NPSR1: variants seen among roughly 807,000 people sequenced by gnomAD.
NPSR1 encodes neuropeptide S receptor.
A neutral mutation model predicts 46.9 loss-of-function variants in NPSR1; 48 were observed. That is an observed-to-expected ratio of 1.02 (90% CI 0.81 to 1.30). The LOEUF (loss-of-function observed/expected upper bound fraction) is 1.30. NPSR1 is among the 50% of genes most tolerant of loss of function. NPSR1 has a pLI of 0.00. For synonymous variants in NPSR1, 176 were observed against 168.1 expected (o/e 1.05, Z -0.36); for missense variants, 450 against 449.5 (o/e 1.00, Z -0.01).
intron 8 of NPSR1, among the ~76,000 whole-genome samples, chr7:34,867,917 G>T (rs568444638): frequency 6.6e-6 from 1 of 151,876 alleles, no homozygotes; most frequent in South Asian, 2.1e-4. Context: ...AATGGAGAAA[G>T]TCCAGCCAGT....
At chr7:34,714,758 G>A (rs973955026) in intron 2 of NPSR1, among the ~76,000 whole-genome samples, 1 of 152,214 alleles carries the variant, frequency 6.6e-6, no homozygotes, top group Admixed American at 6.5e-5. Context: ...GCCAGGGTCA[G>A]GGCTAGGTGG....
intron 2 of NPSR1, among the ~76,000 whole-genome samples, chr7:34,704,487 C>G (rs1794002806): frequency 6.6e-6 from 1 of 152,124 alleles, no homozygotes; most frequent in South Asian, 2.1e-4. Context: ...CTCTTTGGAA[C>G]TTATTAAGAG....
chr7:34,713,129 G>A (rs551458427), intron 2 of NPSR1, among the ~76,000 whole-genome samples: 1 of 152,292 alleles, frequency 6.6e-6, no homozygotes, highest in South Asian at 2.1e-4. Context: ...GAGCAGAGCG[G>A]CTACTGTTCT....
At chr7:34,864,846 C>T (rs1791272729) in intron 8 of NPSR1, among the ~76,000 whole-genome samples, 1 of 151,862 alleles carries the variant, frequency 6.6e-6, no homozygotes, top group Non-Finnish European at 1.5e-5. Flanking sequence ...CTGGTCTTCC[C>T]CACTGTGGCA....
At chr7:34,777,407 G>A (rs1018105998) in intron 2 of NPSR1, among the ~76,000 whole-genome samples, 9 of 151,928 alleles carry the variant, frequency 5.9e-5, no homozygotes, top group Non-Finnish European at 4.4e-5. Flanking sequence ...TTTCTCCCCT[G>A]GCACCTAGGA....
At chr7:34,866,580 C>A (rs1253955816) in intron 8 of NPSR1, among the ~76,000 whole-genome samples, 1 of 151,504 alleles carries the variant, frequency 6.6e-6, no homozygotes, top group East Asian at 1.9e-4. Context: ...CTGATTGAGA[C>A]AACTCAGTTG....
chr7:34,809,674 G>T (rs1217898377), intron 3 of NPSR1, among the ~76,000 whole-genome samples: 1 of 151,784 alleles, frequency 6.6e-6, no homozygotes, highest in African/African-American at 2.4e-5. Flanking sequence ...CGTTTTAGCC[G>T]GGATGGTCTG....
chr7:34,696,912 C>T (rs1193195632), intron 2 of NPSR1, among the ~76,000 whole-genome samples: 1 of 151,626 alleles, frequency 6.6e-6, no homozygotes, highest in Non-Finnish European at 1.5e-5. Flanking sequence ...AAGTAAAAGC[C>T]CCATAATCTT....
chr7:34,845,045 T>C, intron 7 of NPSR1, 63 bp downstream of exon 7: 2 of 1,070,040 alleles, frequency 1.9e-6, no homozygotes, highest in Non-Finnish European at 2.9e-6. Context: ...AGTTTGCTCC[T>C]GGGACCTGGT....
chr7:34,857,614 C>T (rs1447689691), intron 8 of NPSR1, among the ~76,000 whole-genome samples: 1 of 151,482 alleles, frequency 6.6e-6, no homozygotes, highest in African/African-American at 2.4e-5. Context: ...GGATTATAGA[C>T]CTAAATTCAC....
At chr7:34,774,278 C>A (rs1421653148) in intron 2 of NPSR1, among the ~76,000 whole-genome samples, 1 of 152,174 alleles carries the variant, frequency 6.6e-6, no homozygotes. Flanking sequence ...TCATAGAGAA[C>A]CCCCATATAG....
At chr7:34,674,398 TA>T (rs1309161520) in intron 1 of NPSR1, among the ~76,000 whole-genome samples, 11 of 152,156 alleles carry the variant, frequency 7.2e-5, no homozygotes, top group South Asian at 6.2e-4. Flanking sequence ...TGATCCCTAA[TA>T]AAATTAGAGA....
chr7:34,772,460 C>T (rs1488066034), intron 2 of NPSR1, among the ~76,000 whole-genome samples: 2 of 152,108 alleles, frequency 1.3e-5, no homozygotes, highest in Non-Finnish European at 2.9e-5. Context: ...ACTAGAATTG[C>T]ACAGAAACCA....
At chr7:34,726,906 G>C in intron 2 of NPSR1, among the ~76,000 whole-genome samples, 1 of 151,972 alleles carries the variant, frequency 6.6e-6, no homozygotes, top group Non-Finnish European at 1.5e-5. Context: ...TTAGGGCAGT[G>C]AAACTATTTC....
At chr7:34,858,932 TAA>T (rs1026547536) in intron 8 of NPSR1, among the ~76,000 whole-genome samples, 13 of 151,772 alleles carry the variant, frequency 8.6e-5, no homozygotes, top group African/African-American at 2.7e-4. Flanking sequence ...TCACTTTTTA[TAA>T]GAGTCCAGAT....
At chr7:34,676,663 C>T (rs1792330030) in intron 1 of NPSR1, among the ~76,000 whole-genome samples, 1 of 152,218 alleles carries the variant, frequency 6.6e-6, no homozygotes. Flanking sequence ...AACTTACACA[C>T]TCTACCTGTT....
chr7:34,781,147 G>A (rs1787211545), intron 3 of NPSR1, among the ~76,000 whole-genome samples: 1 of 152,164 alleles, frequency 6.6e-6, no homozygotes. Context: ...GTGCAAGCAG[G>A]AAGTGAGGGC....
chr7:34,758,494 CG>C (rs1785992868), intron 2 of NPSR1, among the ~76,000 whole-genome samples: 1 of 152,194 alleles, frequency 6.6e-6, no homozygotes, highest in African/African-American at 2.4e-5. Context: ...TCTTCAGTAC[CG>C]TGCAGAGGTC....
chr7:34,750,373 T>C, intron 2 of NPSR1: 1 of 739,472 alleles, frequency 1.4e-6, no homozygotes, highest in Non-Finnish European at 2.5e-6. Context: ...AGACAACTTT[T>C]GGTTTCTTTT....
Sources: gnomAD v4.1 joint callset for allele counts (sites outside exome capture counted in the v4.1 genomes callset) on GRCh38, gnomAD v4.1.1 for gene constraint, MANE v1.5 for transcripts, NCBI Gene and HGNC (gene_info 2026-07-23, HGNC 2026-07-21) for gene names.